Variants in REEP3 observed in about 807,000 individuals in gnomAD.
The protein encoded by REEP3 is receptor accessory protein 3.
REEP3 carries 20 observed loss-of-function variants against 41.3 expected under a neutral mutation model. The observed-to-expected ratio is 0.48, with a 90% CI of 0.34 to 0.70. The LOEUF is 0.70. REEP3 is among the 30% of genes least tolerant of loss of function. The probability of loss-of-function intolerance (pLI) is 0.01; values close to 1 mark genes in which losing one functional copy is unlikely to be tolerated. For missense variants in REEP3, 271 were observed against 308.8 expected, an observed-to-expected ratio of 0.88 and a Z score of 0.92; for synonymous variants, 104 against 101.8, an observed-to-expected ratio of 1.02 and a Z score of -0.13.
chr10:63,581,925 G>A (rs955794273), intron 2 of REEP3, among the ~76,000 whole-genome samples: 2 of 150,320 alleles, frequency 1.3e-5, no homozygotes, highest in African/African-American at 4.9e-5. Flanking sequence ...TGCCCAAACA[G>A]TATTATGAAA....
chr10:63,578,439 A>C (rs1955917111), intron 2 of REEP3, among the ~76,000 whole-genome samples: 1 of 152,154 alleles, frequency 6.6e-6, no homozygotes. Context: ...TATACCCTTA[A>C]CATTGGTTTT....
intron 2 of REEP3, among the ~76,000 whole-genome samples, chr10:63,592,534 G>A (rs77288590): frequency 0.036 from 5,421 of 152,240 alleles, 315 homozygotes; most frequent in East Asian, 0.28. Flanking sequence ...GGTTCAGTTT[G>A]TAGTCATTTT....
At chr10:63,607,476 C>T (rs1282654089) in intron 5 of REEP3, among the ~76,000 whole-genome samples, 1 of 152,130 alleles carries the variant, frequency 6.6e-6, no homozygotes, top group Non-Finnish European at 1.5e-5. Flanking sequence ...GAAGCAAACC[C>T]TTGGTAGGTG....
intron 1 of REEP3, among the ~76,000 whole-genome samples, chr10:63,532,432 G>T (rs554461887): frequency 6.6e-6 from 1 of 152,254 alleles, no homozygotes; most frequent in South Asian, 2.1e-4. Context: ...GGAGGCCGAG[G>T]TGGGTGGATC....
chr10:63,524,447 T>G (rs1394272611), intron 1 of REEP3, among the ~76,000 whole-genome samples: 1 of 152,058 alleles, frequency 6.6e-6, no homozygotes, highest in Non-Finnish European at 1.5e-5. Context: ...TCTTTTTTTT[T>G]TCTTTTTTGA....
At chr10:63,605,908 C>T (rs1379523928) in intron 5 of REEP3, among the ~76,000 whole-genome samples, 1 of 152,152 alleles carries the variant, frequency 6.6e-6, no homozygotes, top group Admixed American at 6.5e-5. Flanking sequence ...TCAGCCCCTG[C>T]AGTATTCTCA....
At chr10:63,541,789 A>G (rs927779280) in intron 1 of REEP3, among the ~76,000 whole-genome samples, 3 of 152,210 alleles carry the variant, frequency 2.0e-5, no homozygotes, top group African/African-American at 7.2e-5. Flanking sequence ...AGGATAGGCA[A>G]TATTTCTTTT....
rs1956358337 is a variant in REEP3 at position 63,622,087 on chromosome 10, AC to A, written c.*1221del. ...TTGAACTGATAACTATGCATTATGAACCCTAAGTCAATATATTTTTGGTGGT... is the reference window on the plus strand; with the variant it reads ...TTGAACTGATAACTATGCATTATGAACCTAAGTCAATATATTTTTGGTGGT... On this transcript the variant is annotated 3_prime_UTR_variant, in exon 8 of 8. Transcript: ENST00000373758. 6.6e-6 allele frequency: 1 copy of A among 152,164 alleles called. No homozygotes were observed. Among genetic ancestry groups the A allele is most frequent in the South Asian group, 2.1e-4 (1 of 4,822 alleles). The allele number at this position is 152,164 out of a possible 1,614,324, so 9.4% of individuals were successfully genotyped here. A position where few individuals can be genotyped will look rare whatever the true frequency, so the allele number is the denominator to read the frequency against.
chr10:63,566,036 G>A (rs568035832), intron 1 of REEP3, among the ~76,000 whole-genome samples: 9 of 151,772 alleles, frequency 5.9e-5, no homozygotes, highest in East Asian at 1.9e-4. Flanking sequence ...AGGCACACCC[G>A]CCACGCCCGG....
intron 1 of REEP3, among the ~76,000 whole-genome samples, chr10:63,522,044 C>T (rs1353571155): frequency 1.3e-5 from 2 of 152,120 alleles, no homozygotes; most frequent in African/African-American, 4.8e-5. Context: ...GATGCGACGG[C>T]AGTGCCGAGC....
intron 2 of REEP3, among the ~76,000 whole-genome samples, chr10:63,586,540 A>G (rs16918645): frequency 0.1 from 15,768 of 152,154 alleles, 1,173 homozygotes; most frequent in East Asian, 0.29. Flanking sequence ...GTCACAAAAA[A>G]TATAGTAGGT....
At chr10:63,539,513 C>G (rs1380748640) in intron 1 of REEP3, among the ~76,000 whole-genome samples, 1 of 152,090 alleles carries the variant, frequency 6.6e-6, no homozygotes, top group African/African-American at 2.4e-5. Context: ...TCTTAAGAAT[C>G]CAGGTACAGT....
chr10:63,562,610 C>T (rs774113576), intron 1 of REEP3: 8 of 456,316 alleles, frequency 1.8e-5, no homozygotes, highest in Non-Finnish European at 3.5e-5. Context: ...ATAAAATCCC[C>T]AGCAAGAGAA....
rs560677008 is a variant in REEP3, at chr10:63,595,737, C to G, written c.182+883C>G. On this transcript the variant is annotated intron_variant, in intron 3 of 7. Coordinates refer to ENST00000373758, the MANE Select transcript of REEP3 (RefSeq NM_001001330.3). ...GATTACAGGCACATGCCACCATGGC[C>G]TGGCTAATTTTTGTATTTTTAATAG... Among the ~76,000 whole-genome samples the G allele has an allele frequency of 4.6e-5, 7 of 152,276 alleles. No individual in the cohort carries two copies. The East Asian group carries it at 1.4e-3, about 29-fold the overall frequency.
chr10:63,613,667 C>A (rs949261146), intron 6 of REEP3, among the ~76,000 whole-genome samples: 1 of 152,042 alleles, frequency 6.6e-6, no homozygotes, highest in Non-Finnish European at 1.5e-5. Flanking sequence ...CCCAGGTGTA[C>A]ATGGAAATTT....
At chr10:63,584,620 G>T (rs1955987419) in intron 2 of REEP3, among the ~76,000 whole-genome samples, 1 of 151,546 alleles carries the variant, frequency 6.6e-6, no homozygotes, top group South Asian at 2.1e-4. Flanking sequence ...GTTCCTCTTT[G>T]TTTTTAATGA....
At chr10:63,611,897 A>T (rs1956280086) in intron 6 of REEP3, among the ~76,000 whole-genome samples, 1 of 151,164 alleles carries the variant, frequency 6.6e-6, no homozygotes, top group African/African-American at 2.4e-5. Context: ...CCATGATCAC[A>T]CCACTGCACT....
chr10:63,568,814 C>G (rs1208125505), intron 2 of REEP3, among the ~76,000 whole-genome samples: 1 of 68,464 alleles, frequency 1.5e-5, no homozygotes, highest in African/African-American at 5.3e-5. Context: ...CACCACCATG[C>G]CCAGCTAATT....
chr10:63,609,741 C>T (rs1243762873), intron 5 of REEP3, among the ~76,000 whole-genome samples: 2 of 151,898 alleles, frequency 1.3e-5, no homozygotes, highest in African/African-American at 2.4e-5. Context: ...GCCTGGGCAA[C>T]GGAGTGAGAC....
Sources: allele counts gnomAD v4.1 joint callset (sites outside exome capture counted in the v4.1 genomes callset), GRCh38; gene constraint gnomAD v4.1.1; transcripts MANE v1.5; gene names NCBI Gene and HGNC (gene_info 2026-07-23, HGNC 2026-07-21).